KMO: variants seen among roughly 807,000 people sequenced by gnomAD.
KMO encodes the protein kynurenine 3-hydroxylase.
KMO carries 24 observed loss-of-function variants against 57.8 expected under a neutral mutation model. The observed-to-expected ratio is 0.42, with a 90% CI of 0.30 to 0.58. KMO has a LOEUF of 0.58. Among genes scored for constraint, KMO ranks in the 20% least tolerant of loss-of-function variants. KMO has a pLI of 0.22. For missense variants in KMO, 483 were observed against 588.2 expected (o/e 0.82, Z 1.85); for synonymous variants, 210 against 193.6 (o/e 1.08, Z -0.70).
At chr1:241,588,651 A>G (rs568211966) in intron 11 of KMO, 97 bp from the exon 12 acceptor site, 1 of 752,892 alleles carries the variant, frequency 1.3e-6, no homozygotes, top group African/African-American at 1.8e-5. Flanking sequence ...AAAATTAGCG[A>G]GAGCATTGGT....
At chr1:241,583,380 G>A (rs1410168434) in intron 10 of KMO, among the ~76,000 whole-genome samples, 1 of 152,186 alleles carries the variant, frequency 6.6e-6, no homozygotes, top group East Asian at 1.9e-4. Context: ...TTGCCTTCAA[G>A]GCAGAAAATT....
intron 11 of KMO, among the ~76,000 whole-genome samples, chr1:241,587,146 G>A (rs1275400072): frequency 1.3e-5 from 2 of 152,178 alleles, no homozygotes; most frequent in Non-Finnish European, 2.9e-5. Context: ...GGTGGGGGGA[G>A]ATGGTTTCAG....
At position 241,595,338 on chromosome 1, in the gene KMO, C is replaced by T. The variant is rs576130139; in HGVS notation, c.*3185C>T. The T allele has an allele frequency of 7.2e-5, 11 of 152,294 alleles. No individual in the cohort carries two copies. The highest frequency in any genetic ancestry group is 2.6e-4 in the Admixed American group (4 of 15,276). 9.4% of individuals were successfully genotyped at this position (152,294 alleles called of 1,614,324 possible). On this transcript the variant is annotated 3_prime_UTR_variant, in exon 15 of 15. Transcript: ENST00000366559. ...TCTACAAGAACCTGGGAGGCCAACGCCTAAAGATCATAATATCACACAATG... is the reference window on the plus strand; with the variant it reads ...TCTACAAGAACCTGGGAGGCCAACGTCTAAAGATCATAATATCACACAATG...
At chr1:241,583,093 G>A (rs1292964957) in intron 10 of KMO, among the ~76,000 whole-genome samples, 2 of 152,130 alleles carry the variant, frequency 1.3e-5, no homozygotes, top group African/African-American at 4.8e-5. Context: ...AGAATTCCTT[G>A]GGTTACTAGG....
chr1:241,573,063 A>G (rs946170852), intron 10 of KMO, among the ~76,000 whole-genome samples: 1 of 152,288 alleles, frequency 6.6e-6, no homozygotes, highest in East Asian at 1.9e-4. Flanking sequence ...TTGGTTCCAT[A>G]TCTTTACAAT....
chr1:241,534,886 C>T (rs1379266873), intron 1 of KMO, among the ~76,000 whole-genome samples: 5 of 152,178 alleles, frequency 3.3e-5, no homozygotes, highest in Non-Finnish European at 5.9e-5. Context: ...TGAACTAAGC[C>T]TATCTGCCTT....
intron 1 of KMO, among the ~76,000 whole-genome samples, chr1:241,542,096 C>T (rs1457144772): frequency 1.3e-5 from 2 of 151,966 alleles, no homozygotes; most frequent in Non-Finnish European, 2.9e-5. Flanking sequence ...TTTTCCCTTT[C>T]CTTCTTTCTT....
At chr1:241,548,746 C>T (rs189592033) in intron 1 of KMO, 83 bp from the exon 2 acceptor site, 16 of 790,456 alleles carry the variant, frequency 2.0e-5, no homozygotes, top group Admixed American at 1.2e-4. Flanking sequence ...AAAACATAGC[C>T]TCACATGATG....
intron 10 of KMO, among the ~76,000 whole-genome samples, chr1:241,573,000 G>GTGTA (rs1045834955): frequency 1.3e-5 from 2 of 152,038 alleles, no homozygotes; most frequent in African/African-American, 4.8e-5. Context: ...GTATTCCATG[G>GTGTA]TGTATATATA....
At chr1:241,553,161 C>T (rs1328425256) in intron 4 of KMO, among the ~76,000 whole-genome samples, 3 of 152,100 alleles carry the variant, frequency 2.0e-5, no homozygotes, top group East Asian at 1.9e-4. Context: ...CACTTTATAG[C>T]GCTTGACTTG....
In KMO at chr1:241,593,530, G is replaced by T; in HGVS notation, c.*1377G>T. ...CTAATAATCCATGTTCAGTTTGTAG[G>T]GAAAGAAAAAATAATTTTTCCTTCT... On this transcript the variant is annotated 3_prime_UTR_variant, in exon 15 of 15. Coordinates refer to ENST00000366559, the MANE Select transcript of KMO (RefSeq NM_003679.5). 1 of 255,872 alleles carries T rather than the reference G, an allele frequency of 3.9e-6. No homozygotes were observed. Among genetic ancestry groups the T allele is most frequent in the East Asian group, 8.4e-5 (1 of 11,946 alleles). The allele number at this position is 255,872 out of a possible 1,614,324, so 15.9% of individuals were successfully genotyped here.
intron 10 of KMO, among the ~76,000 whole-genome samples, chr1:241,584,523 T>C (rs188015230): frequency 1.1e-4 from 16 of 152,326 alleles, no homozygotes; most frequent in Middle Eastern, 3.4e-3. Flanking sequence ...AGTAAAACTA[T>C]GAGCTGATTA....
chr1:241,592,178 G>C lies in KMO; in HGVS notation c.*25G>C, dbSNP rs1463606810. 1 of 1,575,266 alleles carries C rather than the reference G, an allele frequency of 6.3e-7. No individual in the cohort carries two copies. On this transcript the variant is annotated 3_prime_UTR_variant, in exon 15 of 15. Transcript: ENST00000366559. ...ATAGAAAGGTTTTGTGGTAGCAAATGCATGATTTCTCTGTGACCAAAATTA... is the reference window on the plus strand; with the variant it reads ...ATAGAAAGGTTTTGTGGTAGCAAATCCATGATTTCTCTGTGACCAAAATTA...
At chr1:241,587,187 C>A (rs900628042) in intron 11 of KMO, among the ~76,000 whole-genome samples, 7 of 152,178 alleles carry the variant, frequency 4.6e-5, no homozygotes, top group African/African-American at 1.4e-4. Flanking sequence ...GATCTTCAGG[C>A]GTTAGTTGGA....
chr1:241,574,933 T>G (rs1223381148), intron 10 of KMO, among the ~76,000 whole-genome samples: 1 of 152,064 alleles, frequency 6.6e-6, no homozygotes, highest in Non-Finnish European at 1.5e-5. Context: ...CGATTACTGA[T>G]TTAATCTCAC....
intron 5 of KMO, among the ~76,000 whole-genome samples, chr1:241,559,447 T>TG (rs937370919): frequency 0.39 from 305 of 782 alleles, 2 homozygotes; most frequent in African/African-American, 0.46. Flanking sequence ...ATAAACATAA[T>TG]TTTTTAAAAG....
At chr1:241,574,973 A>G (rs965373771) in intron 10 of KMO, among the ~76,000 whole-genome samples, 1 of 151,760 alleles carries the variant, frequency 6.6e-6, no homozygotes, top group Non-Finnish European at 1.5e-5. Flanking sequence ...CAAGGTTTCT[A>G]TTTCTTCCTT....
At chr1:241,571,143 A>T (rs184642601) in intron 10 of KMO, among the ~76,000 whole-genome samples, 1 of 152,134 alleles carries the variant, frequency 6.6e-6, no homozygotes, top group Non-Finnish European at 1.5e-5. Flanking sequence ...CTGTAACTTT[A>T]CTAAATTTGT....
intron 4 of KMO, among the ~76,000 whole-genome samples, chr1:241,553,244 C>A (rs932982346): frequency 6.6e-6 from 1 of 152,050 alleles, no homozygotes; most frequent in Non-Finnish European, 1.5e-5. Context: ...TTGATGGGAA[C>A]GACTCAAATA....
Sources: allele counts gnomAD v4.1 joint callset (sites outside exome capture counted in the v4.1 genomes callset), GRCh38; gene constraint gnomAD v4.1.1; transcripts MANE v1.5; gene names NCBI Gene and HGNC (gene_info 2026-07-23, HGNC 2026-07-21).